The following PDE7B variants were observed in gnomAD, a reference collection of about 807,000 sequenced individuals.
The protein encoded by PDE7B is phosphodiesterase 7B, also known as 3',5'-cyclic-AMP phosphodiesterase 7B.
PDE7B carries 29 observed loss-of-function variants against 56.2 expected under a neutral mutation model. The observed-to-expected ratio is 0.52, with a 90% CI of 0.38 to 0.70. The LOEUF is 0.70. Ranked by LOEUF, PDE7B falls within the 30% of genes least tolerant of loss-of-function variation. The probability of loss-of-function intolerance (pLI) is 0.00; values close to 1 mark genes in which losing one functional copy is unlikely to be tolerated. For synonymous variants in PDE7B, 197 were observed against 196.9 expected, an observed-to-expected ratio of 1.00 and a Z score of 0.00; for missense variants, 490 against 565.0, an observed-to-expected ratio of 0.87 and a Z score of 1.35.
At chr6:136,160,278 C>T (rs983829095) in intron 8 of PDE7B, among the ~76,000 whole-genome samples, 4 of 152,106 alleles carry the variant, frequency 2.6e-5, no homozygotes, top group Non-Finnish European at 5.9e-5. Flanking sequence ...ATTCTAGAAC[C>T]GGTTAGGGTT....
chr6:136,099,110 C>CT (rs112706744), intron 2 of PDE7B, among the ~76,000 whole-genome samples: 4,078 of 152,112 alleles, frequency 0.027, 186 homozygotes, highest in African/African-American at 0.091. Flanking sequence ...TGAACTTATC[C>CT]TTTTTTATGG....
intron 2 of PDE7B, among the ~76,000 whole-genome samples, chr6:136,051,617 G>A (rs1027598624): frequency 6.6e-6 from 1 of 152,166 alleles, no homozygotes; most frequent in African/African-American, 2.4e-5. Context: ...AACCCTGGAT[G>A]GGGCCGAGTG....
intron 2 of PDE7B, among the ~76,000 whole-genome samples, chr6:135,980,911 T>A (rs1775282611): frequency 6.8e-6 from 1 of 147,860 alleles, no homozygotes; most frequent in African/African-American, 2.5e-5. Flanking sequence ...AAATACCATT[T>A]GACCCAGCCA....
intron 1 of PDE7B, among the ~76,000 whole-genome samples, chr6:135,920,963 C>A (rs1774065356): frequency 6.6e-6 from 1 of 152,084 alleles, no homozygotes; most frequent in Non-Finnish European, 1.5e-5. Flanking sequence ...CTGGTGAATT[C>A]TTTTTCTCTT....
chr6:136,193,317 C>T lies in PDE7B; in HGVS notation c.*1477C>T, dbSNP rs1779259734. ...GATAGTAACTGGATTTTTCTTTTTCCTTAATCTCATGTGAACAACTACCCA... is the reference window on the plus strand; with the variant it reads ...GATAGTAACTGGATTTTTCTTTTTCTTTAATCTCATGTGAACAACTACCCA... On this transcript the variant is annotated 3_prime_UTR_variant, in exon 13 of 13. Transcript: ENST00000308191. 1 of 152,550 alleles carries T rather than the reference C, an allele frequency of 6.6e-6. No individual in the cohort carries two copies. Among genetic ancestry groups the T allele is most frequent in the Admixed American group, 6.5e-5 (1 of 15,270 alleles). The allele number at this position is 152,550 out of a possible 1,614,324, so 9.4% of individuals were successfully genotyped here.
chr6:136,042,664 A>G (rs2128210092), intron 2 of PDE7B, among the ~76,000 whole-genome samples: 1 of 152,382 alleles, frequency 6.6e-6, no homozygotes, highest in East Asian at 1.9e-4. Context: ...AAATTATTTC[A>G]GAGAAGAAAA....
intron 1 of PDE7B, among the ~76,000 whole-genome samples, chr6:135,872,620 T>A (rs1465373445): frequency 6.6e-6 from 1 of 152,108 alleles, no homozygotes; most frequent in Non-Finnish European, 1.5e-5. Context: ...AACCCAACAT[T>A]GTGGACCCTC....
At chr6:135,873,360 A>G (rs1254538569) in intron 1 of PDE7B, among the ~76,000 whole-genome samples, 1 of 152,174 alleles carries the variant, frequency 6.6e-6, no homozygotes, top group African/African-American at 2.4e-5. Context: ...AGGTTTTGCA[A>G]ACTCAATATT....
At chr6:135,946,189 C>T (rs896994955) in intron 1 of PDE7B, among the ~76,000 whole-genome samples, 21 of 151,338 alleles carry the variant, frequency 1.4e-4, no homozygotes, top group African/African-American at 4.6e-4. Flanking sequence ...ATGTTTTAAA[C>T]ATTATATATG....
intron 8 of PDE7B, among the ~76,000 whole-genome samples, chr6:136,164,178 A>C (rs1393687146): frequency 6.6e-6 from 1 of 152,188 alleles, no homozygotes; most frequent in Non-Finnish European, 1.5e-5. Flanking sequence ...AGGCCTCAGG[A>C]AACTTACCAT....
At chr6:136,005,501 T>C (rs1000120720) in intron 2 of PDE7B, among the ~76,000 whole-genome samples, 3 of 151,996 alleles carry the variant, frequency 2.0e-5, no homozygotes, top group Admixed American at 2.0e-4. Context: ...CTCCAACAAA[T>C]TTACAAGAAA....
intron 1 of PDE7B, among the ~76,000 whole-genome samples, chr6:135,860,284 T>TA (rs1231632006): frequency 6.6e-6 from 1 of 152,068 alleles, no homozygotes; most frequent in Non-Finnish European, 1.5e-5. Context: ...TTTATATGCT[T>TA]AAAATCCATC....
At chr6:136,112,055 C>T (rs760524796) in intron 3 of PDE7B, among the ~76,000 whole-genome samples, 10 of 152,092 alleles carry the variant, frequency 6.6e-5, no homozygotes, top group Non-Finnish European at 1.0e-4. Flanking sequence ...ATCCCCTTTC[C>T]AAAGTGTCGC....
intron 2 of PDE7B, among the ~76,000 whole-genome samples, chr6:136,080,819 A>C (rs2128215055): frequency 6.6e-6 from 1 of 152,330 alleles, no homozygotes; most frequent in Admixed American, 6.5e-5. Context: ...AGGAGCTCTA[A>C]GGAAAAAGAG....
intron 2 of PDE7B, chr6:135,991,929 T>G (rs1775486297): frequency 6.6e-6 from 1 of 152,244 alleles, no homozygotes; most frequent in Non-Finnish European, 1.5e-5. Context: ...CATATGATTC[T>G]TGAAGGTTTT....
In PDE7B at chr6:136,184,603, C is replaced by T. The variant is rs116054339; in HGVS notation, c.1046-2433C>T. Among the ~76,000 whole-genome samples the T allele has an allele frequency of 3.6e-3, 541 of 152,170 alleles. 1 individual carries two copies. The highest frequency in any genetic ancestry group is 0.012 in the African/African-American group (497 of 41,530). ...AGAATGGAATGGAAACCACTGAGGC[C>T]GGGATGCACCCTGCCTTGTAGACCA... On this transcript the variant is annotated intron_variant, in intron 11 of 12. Coordinates refer to ENST00000308191, the MANE Select transcript of PDE7B (RefSeq NM_018945.4).
intron 2 of PDE7B, among the ~76,000 whole-genome samples, chr6:136,086,290 C>G (rs1445000125): frequency 1.3e-5 from 2 of 152,096 alleles, no homozygotes; most frequent in Middle Eastern, 3.2e-3. Context: ...GTATCCCTTT[C>G]CAGTTCCATT....
At chr6:135,930,548 G>T (rs1374695898) in intron 1 of PDE7B, among the ~76,000 whole-genome samples, 2 of 152,158 alleles carry the variant, frequency 1.3e-5, no homozygotes, top group Non-Finnish European at 1.5e-5. Context: ...AGTGAGGACT[G>T]AGGGCCCATG....
chr6:135,932,149 C>T (rs1379510629), intron 1 of PDE7B, among the ~76,000 whole-genome samples: 3 of 152,022 alleles, frequency 2.0e-5, no homozygotes, highest in African/African-American at 7.2e-5. Context: ...AGAATGTTAA[C>T]TTAGGCTCAA....
Sources: gnomAD v4.1 joint callset for allele counts (sites outside exome capture counted in the v4.1 genomes callset) on GRCh38, gnomAD v4.1.1 for gene constraint, MANE v1.5 for transcripts, NCBI Gene and HGNC (gene_info 2026-07-23, HGNC 2026-07-21) for gene names.